The following FRMPD3 variants were observed in gnomAD, a reference collection of about 807,000 sequenced individuals.
The protein encoded by FRMPD3 is FERM and PDZ domain-containing protein 3.
In FRMPD3, 42 loss-of-function variants were observed where a neutral mutation model predicts 97.9. That is an observed-to-expected ratio of 0.43 (90% CI 0.34 to 0.55). The LOEUF is 0.55. Among genes scored for constraint, FRMPD3 ranks in the 20% least tolerant of loss-of-function variants. The pLI is 0.03. For missense variants in FRMPD3, 1,303 were observed against 1,457.7 expected (o/e 0.89, Z 1.73); for synonymous variants, 577 against 581.1 (o/e 0.99, Z 0.10).
chrX:107,554,650 G>A (rs1219120102), intron 8 of FRMPD3, 146 bp downstream of exon 8: 4 of 772,201 alleles, frequency 5.2e-6, no homozygotes, highest in South Asian at 2.8e-5. Flanking sequence ...TGCTACCATC[G>A]TAGGCCATGG....
chrX:107,524,260 G>A (rs1171976793), intron 1 of FRMPD3, among the ~76,000 whole-genome samples: 1 of 112,817 alleles, frequency 8.9e-6, no homozygotes, highest in Non-Finnish European at 1.9e-5. Context: ...CCAGCCTGTG[G>A]CCACCCTCAG....
At chrX:107,536,342 C>A (rs898669481) in intron 4 of FRMPD3, among the ~76,000 whole-genome samples, 1 of 110,873 alleles carries the variant, frequency 9.0e-6, no homozygotes, top group African/African-American at 3.3e-5. Flanking sequence ...GGCAATAGAG[C>A]GAGGCCACTT....
chrX:107,518,375 G>A (rs1409499612), intron 1 of FRMPD3, among the ~76,000 whole-genome samples: 1 of 111,480 alleles, frequency 9.0e-6, no homozygotes, highest in Non-Finnish European at 1.9e-5. Flanking sequence ...GGGATATTGG[G>A]CATTGAGATT....
intron 1 of FRMPD3, among the ~76,000 whole-genome samples, chrX:107,517,795 A>C (rs1273812054): frequency 1.1e-5 from 1 of 91,312 alleles, no homozygotes; most frequent in East Asian, 3.9e-4. Context: ...AGAAAAGAAA[A>C]GAAGGAAAGG....
intron 1 of FRMPD3, among the ~76,000 whole-genome samples, chrX:107,490,560 G>T: frequency 9.0e-6 from 1 of 111,038 alleles, no homozygotes; most frequent in East Asian, 2.8e-4. Context: ...CACATCCCTT[G>T]TAAGTTGGAT....
At chrX:107,468,376 G>A (rs1275914959) in intron 1 of FRMPD3, among the ~76,000 whole-genome samples, 1 of 112,393 alleles carries the variant, frequency 8.9e-6, no homozygotes, top group African/African-American at 3.2e-5. Context: ...CCTCCTATGT[G>A]CCAGGCTCTG....
At chrX:107,536,490 T>C (rs1307952445) in intron 4 of FRMPD3, among the ~76,000 whole-genome samples, 1 of 112,256 alleles carries the variant, frequency 8.9e-6, no homozygotes, top group Non-Finnish European at 1.9e-5. Flanking sequence ...CATGTATCAA[T>C]ATTTTGTTCC....
At chrX:107,490,052 A>G (rs933654959) in intron 1 of FRMPD3, among the ~76,000 whole-genome samples, 1 of 112,389 alleles carries the variant, frequency 8.9e-6, no homozygotes, top group Non-Finnish European at 1.9e-5. Flanking sequence ...AGCTTTCTAC[A>G]TATGGCCAGC....
Position 107,449,898 on chromosome X carries a change from TGCCGCCGCCGCCGCCGCCGCCGCTGC to T in FRMPD3, c.-106_-81del, listed in dbSNP as rs1380220607. On this transcript the variant is annotated 5_prime_UTR_variant, in exon 1 of 15. Transcript: ENST00000683843. ...GGGGGCACGGGTGCCCTAGTCCCGCTGCCGCCGCCGCCGCCGCCGCCGCTGCGCCGCCGCTGCCGCGCCGCTGAGGA... is the reference window on the plus strand; with the variant it reads ...GGGGGCACGGGTGCCCTAGTCCCGCTGCCGCCGCTGCCGCGCCGCTGAGGA... Among the ~76,000 whole-genome samples, 1 of 107,695 alleles carries T rather than the reference TGCCGCCGCCGCCGCCGCCGCCGCTGC, an allele frequency of 9.3e-6. No individual in the cohort carries two copies. The highest frequency in any genetic ancestry group is 3.0e-4 in the East Asian group (1 of 3,372). The allele number at this position is 107,695 out of a possible 115,157, so 93.5% of individuals were successfully genotyped here. A position where few individuals can be genotyped will look rare whatever the true frequency, so the allele number is the denominator to read the frequency against.
In FRMPD3 at chrX:107,558,950, G is replaced by C. The variant is rs977289781; in HGVS notation, c.763-1307G>C. ...TTCACCTGCCTCAACCTCCCAAAGT[G>C]CTGTGACTTTAGGCATGAGCCACAG... On this transcript the variant is annotated intron_variant, in intron 8 of 14. Coordinates refer to ENST00000683843, the MANE Select transcript of FRMPD3 (RefSeq NM_001388459.1). Among the ~76,000 whole-genome samples, 4 of 110,232 alleles carry C rather than the reference G, an allele frequency of 3.6e-5. No homozygotes were observed. In the Admixed American group the frequency reaches 3.9e-4, roughly 11 times the overall value.
chrX:107,469,509 G>A (rs1262730664), intron 1 of FRMPD3, among the ~76,000 whole-genome samples: 1 of 112,203 alleles, frequency 8.9e-6, no homozygotes, highest in East Asian at 2.8e-4. Context: ...GGGACACAGA[G>A]CCAAACCATA....
intron 1 of FRMPD3, among the ~76,000 whole-genome samples, chrX:107,474,152 T>A (rs1921139058): frequency 8.9e-6 from 1 of 112,332 alleles, no homozygotes; most frequent in South Asian, 3.7e-4. Flanking sequence ...GCAGGTATCC[T>A]TTCCCTGTTA....
rs140075558 is a variant in FRMPD3, at chrX:107,573,069, T to C, written c.1297-3246T>C. Among the ~76,000 whole-genome samples the C allele has an allele frequency of 7.0e-3, 782 of 111,106 alleles. 8 individuals are homozygous for C. The highest frequency in any genetic ancestry group is 0.024 in the African/African-American group (729 of 30,515). On this transcript the variant is annotated intron_variant, in intron 12 of 14. Coordinates refer to ENST00000683843, the MANE Select transcript of FRMPD3 (RefSeq NM_001388459.1). The stretch of plus-strand genomic sequence containing the variant: ...CCAACCTTTTCCATATCATGAGAAA[T>C]GTCACAATTTATATAACAAAACATA...
intron 1 of FRMPD3, among the ~76,000 whole-genome samples, chrX:107,459,965 A>T (rs1272651783): frequency 4.5e-5 from 5 of 111,025 alleles, no homozygotes; most frequent in Admixed American, 9.5e-5. Context: ...GGCCTCCAGC[A>T]CTTCCCTGCT....
At chrX:107,470,883 G>A (rs2147891740) in intron 1 of FRMPD3, among the ~76,000 whole-genome samples, 1 of 112,441 alleles carries the variant, frequency 8.9e-6, no homozygotes, top group Non-Finnish European at 1.9e-5. Context: ...GAACCAAAGG[G>A]TGGGTGGTGG....
At position 107,588,382 on chromosome X, in the gene FRMPD3, G is replaced by T. The variant is rs550338832; in HGVS notation, c.1442-8939G>T. 7.2e-5 allele frequency among the ~76,000 whole-genome samples: 8 copies of T among 110,534 alleles called. 1 individual carries two copies. The South Asian group carries it at 3.1e-3, about 43-fold the overall frequency. On this transcript the variant is annotated intron_variant, in intron 13 of 14. Coordinates refer to ENST00000683843, the MANE Select transcript of FRMPD3 (RefSeq NM_001388459.1). ...TGATTTTCCTGCCTCAGCCTCCCGAGTAGCTGGGATTACAGTCATGCACCA... is the reference window on the plus strand; with the variant it reads ...TGATTTTCCTGCCTCAGCCTCCCGATTAGCTGGGATTACAGTCATGCACCA...
intron 1 of FRMPD3, among the ~76,000 whole-genome samples, chrX:107,490,079 G>A (rs1307289190): frequency 8.0e-5 from 9 of 112,076 alleles, no homozygotes; most frequent in African/African-American, 2.3e-4. Context: ...TCCCAGCACT[G>A]TTTATTAAAT....
Position 107,572,908 on chromosome X carries a change from C to CTACTACTACTAA in FRMPD3, c.1297-3405_1297-3404insCTACTACTAATA, listed in dbSNP as rs796610991. On this transcript the variant is annotated intron_variant, in intron 12 of 14. Transcript: ENST00000683843. The stretch of plus-strand genomic sequence containing the variant: ...ACTACTACTACTACTACTACTACTA[C>CTACTACTACTAA]TAATAATAATAATAATAATAAAGTA... Among the ~76,000 whole-genome samples, 468 of 100,989 alleles carry CTACTACTACTAA rather than the reference C, an allele frequency of 4.6e-3. 5 individuals are homozygous for CTACTACTACTAA. Among genetic ancestry groups the CTACTACTACTAA allele is most frequent in the Admixed American group, 0.012 (115 of 9,217 alleles). 87.7% of individuals were successfully genotyped at this position (100,989 alleles called of 115,157 possible). A position where few individuals can be genotyped will look rare whatever the true frequency, so the allele number is the denominator to read the frequency against.
intron 8 of FRMPD3, among the ~76,000 whole-genome samples, chrX:107,557,841 A>ATATG (rs1922170355): frequency 4.8e-5 from 3 of 62,110 alleles, no homozygotes; most frequent in Non-Finnish European, 8.9e-5. Flanking sequence ...ATATATATAT[A>ATATG]GATCTATTCC....
Sources: gnomAD v4.1 joint callset for allele counts (sites outside exome capture counted in the v4.1 genomes callset) on GRCh38, gnomAD v4.1.1 for gene constraint, MANE v1.5 for transcripts, NCBI Gene and HGNC (gene_info 2026-07-23, HGNC 2026-07-21) for gene names.